USH2A: variants seen among roughly 807,000 people sequenced by gnomAD.
USH2A encodes the protein Usher syndrome 2A (autosomal recessive, mild).
In USH2A, 443 loss-of-function variants were observed where a neutral mutation model predicts 538.9. The ratio of observed to expected loss-of-function variants is 0.82; its 90% CI spans 0.76 to 0.89. USH2A has a LOEUF of 0.89. Ranked by LOEUF, USH2A falls within the 40% of genes least tolerant of loss-of-function variation. The pLI, the probability that USH2A is intolerant of heterozygous loss-of-function variation, is 0.00. For synonymous variants in USH2A, 2,413 were observed against 2,273.5 expected (o/e 1.06, Z -1.75); for missense variants, 6,633 against 6,324.8 (o/e 1.05, Z -1.65).
At chr1:215,719,362 C>CAAAAAAAAAAAAAAAA (rs375176415) in intron 61 of USH2A, among the ~76,000 whole-genome samples, 1 of 74,642 alleles carries the variant, frequency 1.3e-5, no homozygotes, top group Middle Eastern at 8.3e-3. Flanking sequence ...CCTCAGGAGA[C>CAAAAAAAAAAAAAAAA]AAAAAAAAAA....
At chr1:216,169,072 C>T (rs943749763) in intron 21 of USH2A, among the ~76,000 whole-genome samples, 1 of 152,110 alleles carries the variant, frequency 6.6e-6, no homozygotes, top group South Asian at 2.1e-4. Flanking sequence ...TAAACTGGCT[C>T]TGTCTAGGCA....
At chr1:215,897,529 T>C (rs1665379523) in intron 40 of USH2A, among the ~76,000 whole-genome samples, 1 of 151,674 alleles carries the variant, frequency 6.6e-6, no homozygotes, top group African/African-American at 2.4e-5. Context: ...CTAATAAAAA[T>C]ATTAAAAAAA....
chr1:216,002,833 T>A (rs72744662), intron 32 of USH2A, among the ~76,000 whole-genome samples: 3,593 of 152,258 alleles, frequency 0.024, 68 homozygotes, highest in Non-Finnish European at 0.038. Context: ...GGTACAGACT[T>A]GCATATCTGG....
chr1:215,859,846 G>A (rs1242356954), intron 44 of USH2A, among the ~76,000 whole-genome samples: 1 of 152,154 alleles, frequency 6.6e-6, no homozygotes, highest in Non-Finnish European at 1.5e-5. Context: ...ATGGTTCCCA[G>A]CAAAGGGGGA....
At chr1:216,347,883 G>C (rs1003003136) in intron 4 of USH2A, among the ~76,000 whole-genome samples, 5 of 152,114 alleles carry the variant, frequency 3.3e-5, no homozygotes, top group Admixed American at 6.6e-5. Flanking sequence ...TGAAGATTGT[G>C]ACATTAGAAG....
At chr1:215,627,375 C>CCTTCTTT (rs1656067761) in intron 71 of USH2A, among the ~76,000 whole-genome samples, 1 of 131,062 alleles carries the variant, frequency 7.6e-6, no homozygotes, top group African/African-American at 2.9e-5. Flanking sequence ...CTCCCTCCCT[C>CCTTCTTT]CCTTCCTTCT....
intron 32 of USH2A, among the ~76,000 whole-genome samples, chr1:216,038,966 AG>A (rs2030131570): frequency 1.3e-5 from 2 of 152,076 alleles, no homozygotes; most frequent in South Asian, 4.1e-4. Flanking sequence ...TTCCTTAATT[AG>A]GTTAACAGAT....
chr1:216,325,788 TG>T (rs1186847350), intron 5 of USH2A, among the ~76,000 whole-genome samples, 189 bp from the exon 6 acceptor site: 2 of 152,210 alleles, frequency 1.3e-5, no homozygotes, highest in Non-Finnish European at 2.9e-5. Flanking sequence ...TATCATAAAA[TG>T]TATATCAAAA....
chr1:216,169,137 A>G (rs1352957119), intron 21 of USH2A, among the ~76,000 whole-genome samples: 1 of 152,152 alleles, frequency 6.6e-6, no homozygotes, highest in East Asian at 1.9e-4. Context: ...CCTTCTGGAA[A>G]ACATATGTTT....
intron 13 of USH2A, among the ~76,000 whole-genome samples, chr1:216,237,167 A>G (rs2035840935): frequency 6.6e-6 from 1 of 152,162 alleles, no homozygotes; most frequent in Non-Finnish European, 1.5e-5. Context: ...TTCCATTTCT[A>G]GACCCCTTCA....
chr1:215,723,839 C>T (rs187408832), intron 61 of USH2A, among the ~76,000 whole-genome samples: 1 of 152,202 alleles, frequency 6.6e-6, no homozygotes, highest in Admixed American at 6.5e-5. Context: ...TCTTCTACAA[C>T]CCCTATAGAG....
chr1:216,048,597 C>A lies in USH2A; in HGVS notation c.6100G>T (p.Ala2034Ser), dbSNP rs2030621478. The change falls in exon 31 of 72, where the codon GCT (alanine) becomes TCT (serine). Residue 2034 changes from alanine (A) to serine (S), a missense_variant. Ala to Ser is a moderately conservative substitution (Grantham distance 99). Transcript: ENST00000307340. Reference sequence around the variant, plus strand: ...TCAGTACAGCCAGCCAAAGTGCAAGCAGTTAGGGTTACTGCATAGTTTTTG... The same window carrying A: ...TCAGTACAGCCAGCCAAAGTGCAAGAAGTTAGGGTTACTGCATAGTTTTTG... ...PFKNYAVTLT[A>S]CTLAGCTESS... The A allele has an allele frequency of 6.2e-7, 1 of 1,614,056 alleles. No homozygotes were observed. Among genetic ancestry groups the A allele is most frequent in the African/African-American group, 1.3e-5 (1 of 74,990 alleles).
intron 58 of USH2A, among the ~76,000 whole-genome samples, chr1:215,746,362 A>G (rs1660471192): frequency 6.6e-6 from 1 of 152,186 alleles, no homozygotes; most frequent in Non-Finnish European, 1.5e-5. Context: ...TCAGAAAATG[A>G]ATGAATGAAT....
intron 37 of USH2A, among the ~76,000 whole-genome samples, chr1:215,951,440 C>A (rs1356105876): frequency 6.6e-6 from 1 of 152,160 alleles, no homozygotes; most frequent in Non-Finnish European, 1.5e-5. Flanking sequence ...AATTTCTATT[C>A]TTTTACATTT....
intron 44 of USH2A, among the ~76,000 whole-genome samples, chr1:215,848,949 T>A (rs990540923): frequency 1.5e-4 from 23 of 152,168 alleles, no homozygotes; most frequent in African/African-American, 4.6e-4. Context: ...AGAAGATACA[T>A]CTTCAGTTCA....
chr1:216,019,995 A>G (rs549685824), intron 32 of USH2A, among the ~76,000 whole-genome samples: 1 of 152,202 alleles, frequency 6.6e-6, no homozygotes, highest in Non-Finnish European at 1.5e-5. Flanking sequence ...TATTTGGCCC[A>G]TTATAAGATA....
chr1:216,359,577 TAACTC>T (rs143463256), intron 4 of USH2A, among the ~76,000 whole-genome samples: 3,713 of 152,164 alleles, frequency 0.024, 150 homozygotes, highest in African/African-American at 0.085. Context: ...ATTGGTCTAA[TAACTC>T]AGGTCATACA....
At chr1:215,976,072 G>T (rs1558190718) in intron 35 of USH2A, among the ~76,000 whole-genome samples, 1 of 152,044 alleles carries the variant, frequency 6.6e-6, no homozygotes, top group Admixed American at 6.6e-5. Context: ...CTGTTTTGTG[G>T]CTATTGTAAA....
intron 33 of USH2A, among the ~76,000 whole-genome samples, 173 bp from the exon 34 acceptor site, chr1:215,999,231 A>AG (rs1306626812): frequency 6.6e-6 from 1 of 152,160 alleles, no homozygotes; most frequent in Non-Finnish European, 1.5e-5. Flanking sequence ...GCCTATTCTG[A>AG]GGGGCAAAAA....
Sources: allele counts gnomAD v4.1 joint callset (sites outside exome capture counted in the v4.1 genomes callset), GRCh38; gene constraint gnomAD v4.1.1; transcripts MANE v1.5; gene names NCBI Gene and HGNC (gene_info 2026-07-23, HGNC 2026-07-21).